SNAP25: variants seen among roughly 807,000 people sequenced by gnomAD.
SNAP25 encodes synaptosomal-associated protein 25.
Under a neutral mutation model 28.7 loss-of-function variants are expected in SNAP25, and 3 were observed. The observed-to-expected ratio is 0.10, with a 90% CI of 0.05 to 0.27. SNAP25 has a LOEUF of 0.27. Among genes scored for constraint, SNAP25 ranks in the 10% least tolerant of loss-of-function variants. The pLI is 1.00. For synonymous variants in SNAP25, 61 were observed against 88.1 expected (o/e 0.69, Z 1.72); for missense variants, 117 against 278.7 (o/e 0.42, Z 4.13).
chr20:10,295,406 A>T (rs555722239), intron 5 of SNAP25, among the ~76,000 whole-genome samples: 1 of 152,210 alleles, frequency 6.6e-6, no homozygotes, highest in Non-Finnish European at 1.5e-5. Flanking sequence ...TGGAAAAATA[A>T]AAATTAAAAA....
chr20:10,248,787 C>T (rs1202245901), intron 1 of SNAP25, among the ~76,000 whole-genome samples: 1 of 152,204 alleles, frequency 6.6e-6, no homozygotes, highest in African/African-American at 2.4e-5. Context: ...TTAGTGTGCA[C>T]TAGAATCCCC....
chr20:10,304,937 T>TA (rs1284104737), intron 7 of SNAP25, among the ~76,000 whole-genome samples: 1 of 152,206 alleles, frequency 6.6e-6, no homozygotes, highest in African/African-American at 2.4e-5. Context: ...ATTAGAGTAG[T>TA]ACAGTATGGA....
rs549369625 is a variant in SNAP25 at position 10,302,486 on chromosome 20, G to C, written c.552+3074G>C. On this transcript the variant is annotated intron_variant, in intron 7 of 7. Coordinates refer to ENST00000254976, the MANE Select transcript of SNAP25 (RefSeq NM_130811.4). ...CAGAACAGGCTGGAAGTATGAACTG[G>C]GTTCTAAAAGTCACCTGGCATGGTC... 5.2e-4 allele frequency among the ~76,000 whole-genome samples: 79 copies of C among 152,226 alleles called. 1 individual carries two copies. The South Asian group carries it at 0.011, about 21-fold the overall frequency.
At position 10,275,622 on chromosome 20, in the gene SNAP25, A is replaced by T. The variant is rs1387690921; in HGVS notation, c.72+59A>T. The T allele has an allele frequency of 2.1e-6, 3 of 1,416,212 alleles. No homozygotes were observed. In the African/African-American group the frequency reaches 4.2e-5, roughly 20 times the overall value. The allele number at this position is 1,416,212 out of a possible 1,614,324, so 87.7% of individuals were successfully genotyped here. A position where few individuals can be genotyped will look rare whatever the true frequency, so the allele number is the denominator to read the frequency against. ...GATGAAGGCCTGAGTGGTTTGTCTT[A>T]TTCAGGTTCAGGTAGGGAAAGCCTT... On this transcript the variant is annotated intron_variant, in intron 2 of 7. Coordinates refer to ENST00000254976, the MANE Select transcript of SNAP25 (RefSeq NM_130811.4).
At chr20:10,244,920 G>A (rs1330348573) in intron 1 of SNAP25, among the ~76,000 whole-genome samples, 3 of 151,838 alleles carry the variant, frequency 2.0e-5, no homozygotes, top group African/African-American at 4.8e-5. Flanking sequence ...TAGTAGAGAC[G>A]GGGTTTCACC....
chr20:10,259,424 G>A (rs75712076), intron 1 of SNAP25, among the ~76,000 whole-genome samples: 1,824 of 152,276 alleles, frequency 0.012, 40 homozygotes, highest in African/African-American at 0.041. Flanking sequence ...AAAAAGGATG[G>A]GAGGATAGAA....
intron 1 of SNAP25, among the ~76,000 whole-genome samples, chr20:10,258,164 G>A (rs142907915): frequency 2.0e-5 from 3 of 152,226 alleles, no homozygotes; most frequent in African/African-American, 7.2e-5. Context: ...TCGTGTCATG[G>A]AAATTTAAAT....
At chr20:10,232,648 A>G (rs2062847834) in intron 1 of SNAP25, among the ~76,000 whole-genome samples, 1 of 152,216 alleles carries the variant, frequency 6.6e-6, no homozygotes, top group African/African-American at 2.4e-5. Flanking sequence ...ACCATAGACT[A>G]GGCACAGTTC....
chr20:10,278,315 TC>T (rs1387952639), intron 3 of SNAP25, among the ~76,000 whole-genome samples: 1 of 152,116 alleles, frequency 6.6e-6, no homozygotes, highest in African/African-American at 2.4e-5. Flanking sequence ...GGATTGAGCA[TC>T]CATTTGCCAG....
chr20:10,295,315 A>G (rs1028885227), intron 5 of SNAP25, among the ~76,000 whole-genome samples: 6 of 152,232 alleles, frequency 3.9e-5, no homozygotes, highest in Admixed American at 1.3e-4. Flanking sequence ...CAAAGATGGT[A>G]TAGCAGACAT....
intron 1 of SNAP25, among the ~76,000 whole-genome samples, chr20:10,230,171 G>A (rs1278722500): frequency 6.6e-6 from 1 of 152,074 alleles, no homozygotes; most frequent in African/African-American, 2.4e-5. Context: ...AGATCCCAGA[G>A]AAAAAGCCAA....
chr20:10,301,889 AT>A (rs201253295), intron 7 of SNAP25, among the ~76,000 whole-genome samples: 1 of 144,808 alleles, frequency 6.9e-6, no homozygotes, highest in African/African-American at 2.6e-5. Context: ...TAATATATAT[AT>A]TATATGTATA....
chr20:10,292,837 C>A (rs376688376), intron 4 of SNAP25: 10 of 1,246,554 alleles, frequency 8.0e-6, no homozygotes, highest in Non-Finnish European at 1.1e-5. Context: ...TGTTGGAGAC[C>A]CCCAAAAAAT....
At chr20:10,254,138 T>A (rs963753471) in intron 1 of SNAP25, among the ~76,000 whole-genome samples, 1 of 152,258 alleles carries the variant, frequency 6.6e-6, no homozygotes, top group Non-Finnish European at 1.5e-5. Context: ...GCATAGCTTC[T>A]GCATGTTTTG....
intron 1 of SNAP25, among the ~76,000 whole-genome samples, chr20:10,271,162 T>A (rs1256183701): frequency 6.6e-6 from 1 of 152,214 alleles, no homozygotes; most frequent in African/African-American, 2.4e-5. Context: ...ATATGAGGGA[T>A]GTATTGCAGG....
chr20:10,248,684 A>C (rs1001835012), intron 1 of SNAP25, among the ~76,000 whole-genome samples: 10 of 152,232 alleles, frequency 6.6e-5, no homozygotes, highest in African/African-American at 2.2e-4. Context: ...TAAGTAGTAG[A>C]GCCAGCATTC....
intron 1 of SNAP25, among the ~76,000 whole-genome samples, chr20:10,256,258 T>C (rs1301942860): frequency 1.3e-5 from 2 of 152,236 alleles, no homozygotes; most frequent in Non-Finnish European, 2.9e-5. Context: ...GTCTATCCGC[T>C]ATTACGAAGG....
At chr20:10,274,557 G>A (rs551041858) in intron 1 of SNAP25, among the ~76,000 whole-genome samples, 24 of 152,274 alleles carry the variant, frequency 1.6e-4, no homozygotes, top group African/African-American at 5.5e-4. Context: ...ACAGAAAGTA[G>A]ATCAGGCTGG....
chr20:10,286,912 G>C (rs1171749247), intron 4 of SNAP25, among the ~76,000 whole-genome samples: 1 of 152,126 alleles, frequency 6.6e-6, no homozygotes, highest in Non-Finnish European at 1.5e-5. Context: ...TTATTATTAC[G>C]TGACTTGTTG....
Sources: gnomAD v4.1 joint callset for allele counts (sites outside exome capture counted in the v4.1 genomes callset) on GRCh38, gnomAD v4.1.1 for gene constraint, MANE v1.5 for transcripts, NCBI Gene and HGNC (gene_info 2026-07-23, HGNC 2026-07-21) for gene names.